The following PLPPR5 variants were observed in gnomAD, a reference collection of about 807,000 sequenced individuals.
PLPPR5 encodes the protein phospholipid phosphatase related 5, also known as phospholipid phosphatase-related protein type 5.
Under a neutral mutation model 33.9 loss-of-function variants are expected in PLPPR5, and 16 were observed. The observed-to-expected ratio is 0.47, with a 90% CI of 0.32 to 0.72. The LOEUF is 0.72. Among genes scored for constraint, PLPPR5 ranks in the 30% least tolerant of loss-of-function variants. The probability of loss-of-function intolerance (pLI) is 0.03; values close to 1 mark genes in which losing one functional copy is unlikely to be tolerated. For synonymous variants in PLPPR5, 163 were observed against 150.3 expected (o/e 1.08, Z -0.62); for missense variants, 301 against 406.7 (o/e 0.74, Z 2.23).
intron 1 of PLPPR5, among the ~76,000 whole-genome samples, chr1:98,989,796 A>G (rs535874181): frequency 5.3e-5 from 8 of 152,300 alleles, no homozygotes; most frequent in Middle Eastern, 3.4e-3. Context: ...TGAAATAACC[A>G]ATCTGCTTTT....
chr1:98,928,575 T>G (rs1489977107), intron 3 of PLPPR5, among the ~76,000 whole-genome samples: 1 of 48,500 alleles, frequency 2.1e-5, no homozygotes, highest in Non-Finnish European at 4.7e-5. Context: ...ATATATATGG[T>G]TCACTTTCTA....
chr1:98,929,785 C>A (rs1649902039), intron 3 of PLPPR5, among the ~76,000 whole-genome samples: 1 of 152,182 alleles, frequency 6.6e-6, no homozygotes, highest in South Asian at 2.1e-4. Context: ...ACATATGGCA[C>A]TTCATCCATC....
intron 1 of PLPPR5, among the ~76,000 whole-genome samples, chr1:98,976,106 A>AAAAAAAAAAC: frequency 6.6e-6 from 1 of 151,240 alleles, no homozygotes. Context: ...AAAAAAAAAA[A>AAAAAAAAAAC]AAAAAAAAGC....
intron 3 of PLPPR5, among the ~76,000 whole-genome samples, chr1:98,924,143 T>C (rs1163021914): frequency 6.6e-6 from 1 of 152,234 alleles, no homozygotes; most frequent in African/African-American, 2.4e-5. Flanking sequence ...TACCATTTAA[T>C]GAGTGATTGC....
intron 5 of PLPPR5, among the ~76,000 whole-genome samples, chr1:98,905,503 G>C (rs979519465): frequency 6.6e-6 from 1 of 152,112 alleles, no homozygotes; most frequent in African/African-American, 2.4e-5. Flanking sequence ...GCAATGCTAA[G>C]AATGAAGCAG....
At chr1:98,908,188 T>C (rs375704716) in intron 5 of PLPPR5, among the ~76,000 whole-genome samples, 2 of 152,202 alleles carry the variant, frequency 1.3e-5, no homozygotes, top group African/African-American at 4.8e-5. Context: ...TGGGACATTA[T>C]TGAGGCTGCA....
rs1416569685 is a variant in PLPPR5, at chr1:98,895,364, A to G, written c.934-2260T>C. Reference sequence around the variant, plus strand: ...GGACTTCCCAGCCTCCAGAATCCTGAGCCAATAAATTTCTGCTCCTCATAA... The same window carrying G: ...GGACTTCCCAGCCTCCAGAATCCTGGGCCAATAAATTTCTGCTCCTCATAA... On this transcript the variant is annotated intron_variant, in intron 5 of 5. Coordinates refer to ENST00000263177, the MANE Select transcript of PLPPR5 (RefSeq NM_001037317.2). 5.3e-5 allele frequency among the ~76,000 whole-genome samples: 8 copies of G among 151,968 alleles called. No homozygotes were observed. In the East Asian group the frequency reaches 1.5e-3, roughly 29 times the overall value.
intron 1 of PLPPR5, among the ~76,000 whole-genome samples, chr1:98,962,754 C>T (rs72730371): frequency 0.07 from 10,651 of 152,238 alleles, 510 homozygotes; most frequent in Middle Eastern, 0.096. Context: ...AAGCCATCCT[C>T]CCACCTCAGC....
intron 4 of PLPPR5, among the ~76,000 whole-genome samples, chr1:98,916,716 AT>A (rs1570695088): frequency 6.6e-6 from 1 of 152,186 alleles, no homozygotes; most frequent in South Asian, 2.1e-4. Flanking sequence ...ATAATCAAGA[AT>A]TTTGGCCAAC....
At chr1:98,924,099 G>A (rs544352481) in intron 3 of PLPPR5, among the ~76,000 whole-genome samples, 1 of 152,248 alleles carries the variant, frequency 6.6e-6, no homozygotes, top group East Asian at 1.9e-4. Context: ...GATGATAATT[G>A]AATAATACTA....
intron 1 of PLPPR5, among the ~76,000 whole-genome samples, chr1:98,992,900 C>T (rs777812961): frequency 6.6e-6 from 1 of 152,058 alleles, no homozygotes; most frequent in Non-Finnish European, 1.5e-5. Flanking sequence ...AGGGCCATCC[C>T]TGTATTAAAA....
chr1:98,913,689 A>C (rs905404313), intron 5 of PLPPR5, among the ~76,000 whole-genome samples: 3 of 152,242 alleles, frequency 2.0e-5, no homozygotes, highest in African/African-American at 7.2e-5. Flanking sequence ...AGATTTACAC[A>C]ATCAGAACAC....
At chr1:98,988,712 A>G (rs1652345614) in intron 1 of PLPPR5, among the ~76,000 whole-genome samples, 1 of 152,140 alleles carries the variant, frequency 6.6e-6, no homozygotes, top group Non-Finnish European at 1.5e-5. Flanking sequence ...GACTTCATGT[A>G]GTATACTACT....
intron 3 of PLPPR5, among the ~76,000 whole-genome samples, chr1:98,943,184 G>T (rs1194931971): frequency 1.3e-5 from 2 of 152,124 alleles, no homozygotes; most frequent in African/African-American, 2.4e-5. Flanking sequence ...ATGACATGAG[G>T]GTGGGTGCCC....
intron 3 of PLPPR5, among the ~76,000 whole-genome samples, chr1:98,940,173 AT>A (rs1650321071): frequency 6.6e-6 from 1 of 151,708 alleles, no homozygotes; most frequent in African/African-American, 2.4e-5. Flanking sequence ...ACAGAATTTA[AT>A]TTTCTCATAG....
intron 5 of PLPPR5, among the ~76,000 whole-genome samples, chr1:98,900,478 T>G (rs984669289): frequency 2.0e-5 from 3 of 152,166 alleles, no homozygotes; most frequent in Admixed American, 6.5e-5. Context: ...ACGAGACATA[T>G]CATAGTGCTC....
chr1:98,945,105 T>C (rs1380135607), intron 3 of PLPPR5, among the ~76,000 whole-genome samples: 2 of 152,212 alleles, frequency 1.3e-5, no homozygotes, highest in Non-Finnish European at 2.9e-5. Flanking sequence ...TGTTAGGCAG[T>C]CAATTGTTGC....
chr1:98,917,356 G>T (rs1294695215), intron 4 of PLPPR5, among the ~76,000 whole-genome samples: 1 of 152,104 alleles, frequency 6.6e-6, no homozygotes, highest in Non-Finnish European at 1.5e-5. Flanking sequence ...CCTGTTGCCT[G>T]GATTCCTACA....
At chr1:98,900,420 T>C (rs1215544672) in intron 5 of PLPPR5, among the ~76,000 whole-genome samples, 4 of 152,158 alleles carry the variant, frequency 2.6e-5, no homozygotes, top group African/African-American at 7.2e-5. Flanking sequence ...TCCTCCAGTA[T>C]AGCCATCATC....
Sources: allele counts gnomAD v4.1 joint callset (sites outside exome capture counted in the v4.1 genomes callset), GRCh38; gene constraint gnomAD v4.1.1; transcripts MANE v1.5; gene names NCBI Gene and HGNC (gene_info 2026-07-23, HGNC 2026-07-21).